The following FAM120A variants were observed in gnomAD, a reference collection of about 807,000 sequenced individuals.
FAM120A encodes constitutive coactivator of PPAR-gamma-like protein 1.
Under a neutral mutation model 109.7 loss-of-function variants are expected in FAM120A, and 15 were observed. That is an observed-to-expected ratio of 0.14 (90% CI 0.09 to 0.21). The LOEUF (loss-of-function observed/expected upper bound fraction) is 0.21, where lower values mean the gene tolerates loss of function less well. Ranked by LOEUF, FAM120A falls within the 10% of genes least tolerant of loss-of-function variation. The pLI is 1.00. For synonymous variants in FAM120A, 493 were observed against 572.8 expected (o/e 0.86, Z 1.99); for missense variants, 899 against 1,439.3 (o/e 0.62, Z 6.07).
intron 8 of FAM120A, among the ~76,000 whole-genome samples, chr9:93,527,614 A>ATTTTTTTTTTT (rs67894788): frequency 7.4e-5 from 6 of 80,700 alleles, no homozygotes; most frequent in East Asian, 4.4e-4. Flanking sequence ...TTTGTATTTA[A>ATTTTTTTTTTT]TTTTTTTTTT....
chr9:93,482,310 A>AGTAGTAG (rs1858852540), intron 3 of FAM120A, among the ~76,000 whole-genome samples: 5 of 150,092 alleles, frequency 3.3e-5, no homozygotes, highest in Admixed American at 2.0e-4. Context: ...GCCTCAGCCT[A>AGTAGTAG]CCTAGTAGCT....
intron 2 of FAM120A, among the ~76,000 whole-genome samples, chr9:93,475,082 C>T (rs142701017): frequency 1.3e-5 from 2 of 152,110 alleles, no homozygotes; most frequent in Non-Finnish European, 2.9e-5. Context: ...TGCTTAGGAC[C>T]AGAAGTATTT....
Position 93,557,630 on chromosome 9 carries a change from G to A in FAM120A, c.2485-197G>A, listed in dbSNP as rs118016014. On this transcript the variant is annotated intron_variant, in intron 13 of 17. Coordinates refer to ENST00000277165, the MANE Select transcript of FAM120A (RefSeq NM_014612.5). ...CCGTGTTCTGCACAAGTCTGCAGAC[G>A]ACCAGAAAACTGCCATAAGTATTGA... Among the ~76,000 whole-genome samples the A allele has an allele frequency of 4.5e-3, 688 of 152,268 alleles. 3 individuals are homozygous for A. Among genetic ancestry groups the A allele is most frequent in the Non-Finnish European group, 7.6e-3 (518 of 68,020 alleles).
chr9:93,461,233 C>T (rs1288101101), intron 1 of FAM120A, among the ~76,000 whole-genome samples: 5 of 152,138 alleles, frequency 3.3e-5, no homozygotes, highest in African/African-American at 1.2e-4. Flanking sequence ...CTGGTTAGTG[C>T]AGGAAAGTAT....
chr9:93,472,439 T>G (rs1858352083), intron 2 of FAM120A, among the ~76,000 whole-genome samples: 1 of 152,190 alleles, frequency 6.6e-6, no homozygotes, highest in Non-Finnish European at 1.5e-5. Context: ...TGTCCAAATA[T>G]AAGTAAACAT....
intron 5 of FAM120A, among the ~76,000 whole-genome samples, chr9:93,506,090 T>TGTAATAATACTTGATGTCTGA (rs1369865339): frequency 6.6e-6 from 1 of 152,254 alleles, no homozygotes; most frequent in African/African-American, 2.4e-5. Flanking sequence ...GCCATAGCCT[T>TGTAATAATACTTGATGTCTGA]GTAATAATAC....
chr9:93,481,162 C>T (rs1350735503), intron 3 of FAM120A, among the ~76,000 whole-genome samples: 1 of 152,228 alleles, frequency 6.6e-6, no homozygotes, highest in Non-Finnish European at 1.5e-5. Context: ...AGGCGGCCTG[C>T]GGCTGTGGCA....
chr9:93,527,929 C>T (rs1861159431), intron 8 of FAM120A, among the ~76,000 whole-genome samples: 1 of 152,018 alleles, frequency 6.6e-6, no homozygotes, highest in South Asian at 2.1e-4. Flanking sequence ...TGTCTCCCTG[C>T]TTTTCTTCTA....
At chr9:93,557,410 G>A (rs980264487) in intron 13 of FAM120A, among the ~76,000 whole-genome samples, 2 of 152,150 alleles carry the variant, frequency 1.3e-5, no homozygotes, top group African/African-American at 4.8e-5. Context: ...GATTACAGGC[G>A]TGAGCTGTTG....
chr9:93,525,963 T>C (rs906198673), intron 7 of FAM120A, among the ~76,000 whole-genome samples: 7 of 152,128 alleles, frequency 4.6e-5, no homozygotes, highest in Admixed American at 3.3e-4. Context: ...TTTTTCCCCC[T>C]TTTTTTAAAA....
At chr9:93,455,165 A>G (rs7869969) in intron 1 of FAM120A, among the ~76,000 whole-genome samples, 40,971 of 152,188 alleles carry the variant, frequency 0.27, 6,593 homozygotes, top group East Asian at 0.44. Flanking sequence ...GTTAAACTAC[A>G]GTATAGCCAT....
chr9:93,555,207 A>G (rs2131556341), intron 12 of FAM120A, among the ~76,000 whole-genome samples: 1 of 152,274 alleles, frequency 6.6e-6, no homozygotes, highest in Middle Eastern at 3.4e-3. Context: ...CTTCCCAACA[A>G]CTGCATGGGA....
chr9:93,509,814 T>C (rs1418639824), intron 5 of FAM120A, among the ~76,000 whole-genome samples: 2 of 152,178 alleles, frequency 1.3e-5, no homozygotes, highest in Non-Finnish European at 2.9e-5. Flanking sequence ...AGATCAGTCT[T>C]TTAATAAAAA....
intron 10 of FAM120A, among the ~76,000 whole-genome samples, chr9:93,535,447 C>G (rs1383568446): frequency 6.6e-6 from 1 of 152,166 alleles, no homozygotes; most frequent in East Asian, 1.9e-4. Flanking sequence ...TTTGCCTAGA[C>G]AGTTAAGACC....
Position 93,471,358 on chromosome 9 carries a change from A to T in FAM120A, c.692A>T (p.Asn231Ile), listed in dbSNP as rs1433084796. 7 of 1,614,068 alleles carry T rather than the reference A, an allele frequency of 4.3e-6. No individual in the cohort carries two copies. The Admixed American group carries it at 1.0e-4, about 23-fold the overall frequency. ...EVAKQLDLNP[N>I]RFPIFAALLG... ...GCCAAGCAACTGGACCTGAATCCAA[A>T]TCGTTTTCCTATTTTTGCTGCTCTC... is the stretch of plus-strand genomic sequence containing the variant. Residue 231 changes from asparagine to isoleucine, a missense_variant, in exon 2 of 18, where the codon AAT becomes ATT. Around this residue, in one of 11 missense-constraint regions of FAM120A, gnomAD observed 258 missense variants for 451.4 expected, o/e 0.57. Transcript: ENST00000277165.
In FAM120A at chr9:93,498,588, A is replaced by C. The variant is rs1859675578; in HGVS notation, c.934-202A>C. Among the ~76,000 whole-genome samples the C allele has an allele frequency of 6.6e-6, 1 of 152,248 alleles. No homozygotes were observed. On this transcript the variant is annotated intron_variant, in intron 4 of 17. Coordinates refer to ENST00000277165, the MANE Select transcript of FAM120A (RefSeq NM_014612.5). This position sits in a 1 kb window ranked among gnomAD's most constrained non-coding sequence, Gnocchi z 4.4. ...TTTGGAGTTCTGCTCTTGTGACTACATTGCTTTAAAAGAATTCACGTTTGG... is the reference window on the plus strand; with the variant it reads ...TTTGGAGTTCTGCTCTTGTGACTACCTTGCTTTAAAAGAATTCACGTTTGG...
chr9:93,527,461 C>T lies in FAM120A; in HGVS notation c.1506+219C>T, dbSNP rs1999386. On this transcript the variant is annotated intron_variant, in intron 8 of 17. Transcript: ENST00000277165. ...CCTGATGCATTTCCTTGTTTGCTCA[C>T]TGTGTCATCTTGGACAAGGTGCTTA... Among the ~76,000 whole-genome samples, 11,666 of 152,104 alleles carry T rather than the reference C, an allele frequency of 0.077. 578 individuals carry two copies. Among genetic ancestry groups the T allele is most frequent in the Non-Finnish European group, 0.1 (7,096 of 67,990 alleles).
At chr9:93,544,041 A>G (rs1416780922) in intron 11 of FAM120A, among the ~76,000 whole-genome samples, 1 of 152,262 alleles carries the variant, frequency 6.6e-6, no homozygotes, top group African/African-American at 2.4e-5. Flanking sequence ...TATGTGGTCC[A>G]TTGTTGACCA....
At position 93,550,704 on chromosome 9, in the gene FAM120A, CCT is replaced by C; in HGVS notation, c.2274+15_2274+16del. The C allele has an allele frequency of 6.3e-7, 1 of 1,598,460 alleles. No homozygotes were observed. Among genetic ancestry groups the C allele is most frequent in the Non-Finnish European group, 8.6e-7 (1 of 1,166,648 alleles). On this transcript the variant is annotated intron_variant, in intron 12 of 17. Coordinates refer to ENST00000277165, the MANE Select transcript of FAM120A (RefSeq NM_014612.5). ...CCAGGAGCTCAAGGTAATTTATCAG[CCT>C]CATTGCATTGTCTTGGACAGTCTCA... is the stretch of plus-strand genomic sequence containing the variant.
Sources: gnomAD v4.1 joint callset for allele counts (sites outside exome capture counted in the v4.1 genomes callset) on GRCh38, gnomAD v4.1.1 for gene constraint, gnomAD v4.1.1 regional missense constraint, Gnocchi (gnomAD v3.1) non-coding constraint, MANE v1.5 for transcripts, NCBI Gene and HGNC (gene_info 2026-07-23, HGNC 2026-07-21) for gene names.